EDARADD: variants seen among roughly 807,000 people sequenced by gnomAD.
The protein encoded by EDARADD is EDAR associated via death domain, also known as ectodysplasin-A receptor-associated adapter protein.
A neutral mutation model predicts 25.6 loss-of-function variants in EDARADD; 20 were observed. The observed-to-expected ratio is 0.78, with a 90% CI of 0.55 to 1.14. The LOEUF (loss-of-function observed/expected upper bound fraction) is 1.14. Ranked by LOEUF, EDARADD falls within the 50% of genes most tolerant of loss-of-function variation. The probability of loss-of-function intolerance (pLI) is 0.00; values close to 1 mark genes in which losing one functional copy is unlikely to be tolerated. For missense variants in EDARADD, 225 were observed against 270.1 expected (o/e 0.83, Z 1.17); for synonymous variants, 86 against 94.4 (o/e 0.91, Z 0.52).
intron 5 of EDARADD, among the ~76,000 whole-genome samples, chr1:236,475,662 G>A (rs974566127): frequency 2.0e-5 from 3 of 151,970 alleles, no homozygotes; most frequent in Non-Finnish European, 4.4e-5. Flanking sequence ...TACTCGGGAG[G>A]CTGAGGTAGG....
intron 3 of EDARADD, among the ~76,000 whole-genome samples, chr1:236,424,767 A>G (rs181426328): frequency 3.3e-5 from 5 of 152,310 alleles, no homozygotes; most frequent in Admixed American, 2.6e-4. Context: ...ACAGGGGCAT[A>G]AGCTGCAGCG....
Position 236,418,465 on chromosome 1 carries a change from G to C in EDARADD, c.160+4166G>C, listed in dbSNP as rs1057320573. 1.3e-4 allele frequency among the ~76,000 whole-genome samples: 20 copies of C among 150,026 alleles called. 1 individual carries two copies. The highest frequency in any genetic ancestry group is 4.9e-4 in the African/African-American group (20 of 40,658). The stretch of plus-strand genomic sequence containing the variant: ...TCACCATGTTGGCCAGGCTGGTCTC[G>C]AACTCCTGACCTCAAGCGATCCATC... On this transcript the variant is annotated intron_variant, in intron 3 of 5. Transcript: ENST00000334232.
At chr1:236,374,778 T>A (rs1667206741) in intron 3 of EDARADD, among the ~76,000 whole-genome samples, 1 of 151,900 alleles carries the variant, frequency 6.6e-6, no homozygotes, top group Non-Finnish European at 1.5e-5. Context: ...ATTTTTACAT[T>A]TAATGTATAT....
chr1:236,456,144 C>T (rs983315411), intron 4 of EDARADD, among the ~76,000 whole-genome samples: 7 of 152,186 alleles, frequency 4.6e-5, no homozygotes, highest in South Asian at 2.1e-4. Context: ...TGCAGTGGCG[C>T]GATCTCTGCT....
At chr1:236,468,434 G>A (rs1184460918) in intron 5 of EDARADD, among the ~76,000 whole-genome samples, 158 bp downstream of exon 5, 1 of 152,054 alleles carries the variant, frequency 6.6e-6, no homozygotes, top group Non-Finnish European at 1.5e-5. Context: ...GACCAGCCTG[G>A]CCAACATGGT....
intron 5 of EDARADD, among the ~76,000 whole-genome samples, chr1:236,471,274 A>C (rs1468217356): frequency 6.6e-6 from 1 of 152,112 alleles, no homozygotes; most frequent in African/African-American, 2.4e-5. Context: ...TCAAACGCCC[A>C]CCAAAAGCCC....
At chr1:236,379,854 T>G (rs1667278047) in intron 3 of EDARADD, among the ~76,000 whole-genome samples, 1 of 152,194 alleles carries the variant, frequency 6.6e-6, no homozygotes, top group Non-Finnish European at 1.5e-5. Context: ...AAACGTAAAT[T>G]AATTTGTTAA....
intron 5 of EDARADD, among the ~76,000 whole-genome samples, chr1:236,470,736 G>C (rs1014551861): frequency 6.6e-6 from 1 of 152,110 alleles, no homozygotes; most frequent in Non-Finnish European, 1.5e-5. Context: ...CTCCTCCTGA[G>C]TAGCTGGGAT....
chr1:236,353,848 G>T (rs777328032), intron 3 of EDARADD, among the ~76,000 whole-genome samples: 1 of 151,988 alleles, frequency 6.6e-6, no homozygotes, highest in African/African-American at 2.4e-5. Context: ...ATCAGCTTCT[G>T]GTGTTGCTTA....
At chr1:236,388,664 C>T (rs547197915) in intron 3 of EDARADD, among the ~76,000 whole-genome samples, 5 of 152,252 alleles carry the variant, frequency 3.3e-5, no homozygotes, top group Non-Finnish European at 4.4e-5. Flanking sequence ...ACCTTCCCCC[C>T]GCACCCAGTT....
At chr1:236,366,880 C>T (rs1224893238) in intron 3 of EDARADD, among the ~76,000 whole-genome samples, 3 of 151,876 alleles carry the variant, frequency 2.0e-5, no homozygotes, top group Non-Finnish European at 2.9e-5. Context: ...AGTCCGAGAC[C>T]AGCCTGGCCA....
chr1:236,467,580 A>G (rs749950523), intron 4 of EDARADD, among the ~76,000 whole-genome samples: 5 of 152,148 alleles, frequency 3.3e-5, no homozygotes, highest in Admixed American at 6.6e-5. Context: ...TTTGGACGCC[A>G]CTTTTTCATA....
intron 4 of EDARADD, among the ~76,000 whole-genome samples, chr1:236,455,868 C>A (rs1029963599): frequency 5.3e-5 from 8 of 152,218 alleles, no homozygotes; most frequent in African/African-American, 1.9e-4. Flanking sequence ...TTGCTCACTG[C>A]AACCTCTGCC....
At chr1:236,384,430 T>C (rs1341037727) in intron 3 of EDARADD, among the ~76,000 whole-genome samples, 1 of 152,184 alleles carries the variant, frequency 6.6e-6, no homozygotes, top group Non-Finnish European at 1.5e-5. Flanking sequence ...AAAGATGGGG[T>C]CTTGCTCTGG....
chr1:236,462,858 A>G (rs74468127), intron 4 of EDARADD, among the ~76,000 whole-genome samples: 2,795 of 152,304 alleles, frequency 0.018, 83 homozygotes, highest in African/African-American at 0.062. Flanking sequence ...TATAAAACAT[A>G]GGTGTTCCAC....
intron 2 of EDARADD, among the ~76,000 whole-genome samples, chr1:236,412,856 T>C (rs2103009677): frequency 6.6e-6 from 1 of 152,236 alleles, no homozygotes; most frequent in African/African-American, 2.4e-5. Context: ...AATAGACAAG[T>C]ACTGTTTATT....
In EDARADD at chr1:236,469,434, C is replaced by T. The variant is rs189646744; in HGVS notation, c.265+1158C>T. Among the ~76,000 whole-genome samples the T allele has an allele frequency of 4.2e-3, 647 of 152,280 alleles. 8 individuals carry two copies. Among genetic ancestry groups the T allele is most frequent in the South Asian group, 0.039 (189 of 4,830 alleles). The stretch of plus-strand genomic sequence containing the variant: ...ATTGCAGTGAGCTGAGACTGCACCA[C>T]TGCATTCCAGCCTGGGTGACAGAGC... On this transcript the variant is annotated intron_variant, in intron 5 of 5. Transcript: ENST00000334232.
chr1:236,404,766 G>A (rs773947287), intron 1 of EDARADD, among the ~76,000 whole-genome samples: 7 of 152,124 alleles, frequency 4.6e-5, no homozygotes, highest in Non-Finnish European at 5.9e-5. Context: ...TCACATCGCG[G>A]CACTCCAGCC....
chr1:236,478,958 G>A (rs1294855369), intron 5 of EDARADD, among the ~76,000 whole-genome samples: 1 of 152,134 alleles, frequency 6.6e-6, no homozygotes, highest in East Asian at 1.9e-4. Context: ...ATAAGTGGGA[G>A]TTATGCTATG....
Sources: allele counts gnomAD v4.1 joint callset (sites outside exome capture counted in the v4.1 genomes callset), GRCh38; gene constraint gnomAD v4.1.1; transcripts MANE v1.5; gene names NCBI Gene and HGNC (gene_info 2026-07-23, HGNC 2026-07-21).